GPHN: variants seen among roughly 807,000 people sequenced by gnomAD.
GPHN encodes the protein gephyrin.
A neutral mutation model predicts 95.5 loss-of-function variants in GPHN; 17 were observed. That is an observed-to-expected ratio of 0.18 (90% CI 0.12 to 0.27). The LOEUF is 0.27. GPHN is among the 10% of genes least tolerant of loss of function. The probability of loss-of-function intolerance (pLI) is 1.00; values close to 1 mark genes in which losing one functional copy is unlikely to be tolerated. For missense variants in GPHN, 660 were observed against 978.1 expected, an observed-to-expected ratio of 0.67 and a Z score of 4.34; for synonymous variants, 320 against 322.5, an observed-to-expected ratio of 0.99 and a Z score of 0.08.
intron 11 of GPHN, among the ~76,000 whole-genome samples, chr14:67,080,205 G>C (rs1189819340): frequency 2.0e-5 from 3 of 151,664 alleles, no homozygotes; most frequent in African/African-American, 4.8e-5. Context: ...TTGGCTATTT[G>C]TATAGCATCT....
At chr14:66,662,729 A>G (rs1407636223) in intron 1 of GPHN, among the ~76,000 whole-genome samples, 2 of 152,242 alleles carry the variant, frequency 1.3e-5, no homozygotes, top group Non-Finnish European at 2.9e-5. Context: ...AGATCATGAT[A>G]AAACATTTCA....
the GPHN span, chr14:67,600,170 C>G: frequency 6.3e-7 from 1 of 1,589,442 alleles, no homozygotes; most frequent in Non-Finnish European, 8.6e-7. Context: ...AGGCGGCCGC[C>G]GCAGATATCC....
At chr14:66,973,139 T>C (rs187330334) in intron 9 of GPHN, among the ~76,000 whole-genome samples, 1 of 152,188 alleles carries the variant, frequency 6.6e-6, no homozygotes, top group East Asian at 1.9e-4. Context: ...TTGAATCCTT[T>C]ATATATATAT....
At chr14:67,608,464 T>C in the GPHN span, among the ~76,000 whole-genome samples, 1 of 152,180 alleles carries the variant, frequency 6.6e-6, no homozygotes, top group African/African-American at 2.4e-5. Flanking sequence ...CTGTAGATTT[T>C]GGTATCTGAG....
chr14:67,511,198 AAC>A, the GPHN span, among the ~76,000 whole-genome samples: 318 of 152,326 alleles, frequency 2.1e-3, 2 homozygotes, highest in African/African-American at 7.4e-3. Context: ...ATTCAAGTCT[AAC>A]TGCAAAAGCA....
At chr14:66,819,609 TTTTTGTTTTTGTTTTTTGC>T (rs1302934394) in intron 3 of GPHN, among the ~76,000 whole-genome samples, 1 of 151,980 alleles carries the variant, frequency 6.6e-6, no homozygotes, top group East Asian at 1.9e-4. Context: ...CAGCTTTGTT[TTTTTGTTTTTGTTTTTTGC>T]TTTTGTTTTT....
At position 66,645,359 on chromosome 14, in the gene GPHN, C is replaced by T. The variant is rs79843214; in HGVS notation, c.65-35748C>T. On this transcript the variant is annotated intron_variant, in intron 1 of 22. Coordinates refer to ENST00000478722, the MANE Select transcript of GPHN (RefSeq NM_020806.5). The stretch of plus-strand genomic sequence containing the variant: ...ATTTGCTTATAATACATCACAACAA[C>T]ATCTCAGCCTGTCTCCAGGTTGGTA... Among the ~76,000 whole-genome samples, 563 of 152,234 alleles carry T rather than the reference C, an allele frequency of 3.7e-3. 12 individuals carry two copies. The highest frequency in any genetic ancestry group is 0.013 in the African/African-American group (531 of 41,556).
intron 10 of GPHN, among the ~76,000 whole-genome samples, chr14:67,058,321 G>C (rs549571947): frequency 1.3e-5 from 2 of 152,136 alleles, no homozygotes; most frequent in Admixed American, 6.5e-5. Context: ...CATATTAATA[G>C]TATAAGCAAC....
intron 4 of GPHN, among the ~76,000 whole-genome samples, chr14:66,862,177 A>G (rs546825946): frequency 1.3e-5 from 2 of 152,212 alleles, no homozygotes; most frequent in South Asian, 4.1e-4. Context: ...ATACTGCATA[A>G]AGTCAAATAA....
chr14:66,691,170 T>G (rs2067749701), intron 2 of GPHN, among the ~76,000 whole-genome samples: 1 of 151,986 alleles, frequency 6.6e-6, no homozygotes, highest in African/African-American at 2.4e-5. Flanking sequence ...AGTGAGACAC[T>G]GTCTCTACAA....
the GPHN span, among the ~76,000 whole-genome samples, chr14:67,577,717 G>A: frequency 3.9e-5 from 6 of 152,218 alleles, no homozygotes; most frequent in Non-Finnish European, 8.8e-5. Flanking sequence ...TGAGAGATTC[G>A]GACCTATTTT....
At chr14:67,205,224 TAGTG>T in the GPHN span, 1 of 856,724 alleles carries the variant, frequency 1.2e-6, no homozygotes, top group Middle Eastern at 3.6e-4. Context: ...CTAATTTTAA[TAGTG>T]AGATTAAATC....
chr14:66,682,795 A>C (rs1347341083), intron 2 of GPHN, among the ~76,000 whole-genome samples: 1 of 152,160 alleles, frequency 6.6e-6, no homozygotes, highest in African/African-American at 2.4e-5. Flanking sequence ...TGTTTTAGTA[A>C]AATAAGAATG....
chr14:67,390,559 C>G, the GPHN span: 28 of 797,532 alleles, frequency 3.5e-5, no homozygotes, highest in East Asian at 7.4e-5. Context: ...ACGGCGGGTG[C>G]CAGGGGAAGG....
chr14:67,426,137 A>G, the GPHN span, among the ~76,000 whole-genome samples: 1 of 152,158 alleles, frequency 6.6e-6, no homozygotes, highest in Non-Finnish European at 1.5e-5. Flanking sequence ...CACACCCAGT[A>G]TCTAACATTT....
At chr14:67,726,134 C>T in the GPHN span, 3 of 1,611,768 alleles carry the variant, frequency 1.9e-6, no homozygotes, top group Non-Finnish European at 2.5e-6. Context: ...CTTTGAAACC[C>T]ACCTGGGAGT....
the GPHN span, among the ~76,000 whole-genome samples, chr14:67,680,322 AAT>A: frequency 6.6e-6 from 1 of 152,198 alleles, no homozygotes; most frequent in East Asian, 1.9e-4. Flanking sequence ...TCTCTCTGGA[AAT>A]GACTCAGCCT....
At chr14:66,882,529 T>C (rs1189162663) in intron 5 of GPHN, among the ~76,000 whole-genome samples, 1 of 151,894 alleles carries the variant, frequency 6.6e-6, no homozygotes, top group Non-Finnish European at 1.5e-5. Flanking sequence ...GTTAAGAACA[T>C]CATCTCTGAA....
chr14:66,946,265 A>G (rs1177574982), intron 8 of GPHN, among the ~76,000 whole-genome samples: 7 of 152,280 alleles, frequency 4.6e-5, no homozygotes, highest in Admixed American at 3.3e-4. Flanking sequence ...AAGTTAACAT[A>G]TAGGAGAGAA....
Sources: allele counts gnomAD v4.1 joint callset (sites outside exome capture counted in the v4.1 genomes callset), GRCh38; gene constraint gnomAD v4.1.1; transcripts MANE v1.5; gene names NCBI Gene and HGNC (gene_info 2026-07-23, HGNC 2026-07-21).